The following ANKRD11 variants were observed in gnomAD, a reference collection of about 807,000 sequenced individuals.
ANKRD11 encodes ankyrin repeat domain 11, also known as ankyrin repeat domain-containing protein 11.
ANKRD11 carries 17 observed loss-of-function variants against 195.7 expected under a neutral mutation model. The ratio of observed to expected loss-of-function variants is 0.09; its 90% CI spans 0.06 to 0.13. The LOEUF (loss-of-function observed/expected upper bound fraction) is 0.13, where lower values mean the gene tolerates loss of function less well. ANKRD11 is among the 10% of genes least tolerant of loss of function. ANKRD11 has a pLI of 1.00. For missense variants in ANKRD11, 3,735 were observed against 3,566.1 expected, an observed-to-expected ratio of 1.05 and a Z score of -1.21; for synonymous variants, 1,953 against 1,528.1, an observed-to-expected ratio of 1.28 and a Z score of -6.49.
intron 2 of ANKRD11, among the ~76,000 whole-genome samples, chr16:89,393,581 A>C (rs958059338): frequency 1.4e-5 from 2 of 148,086 alleles, no homozygotes; most frequent in South Asian, 4.3e-4. Context: ...CCTCAGAGTG[A>C]TTTGCCCGCC....
Position 89,279,776 on chromosome 16 carries a change from G to A in ANKRD11, c.6766C>T (p.Gln2256Ter), listed in dbSNP as rs1168428802. Residue 2256 changes from glutamine to a stop codon, truncating the protein, a stop_gained, in exon 9 of 13, where the codon CAG (glutamine) becomes TAG (stop). Coordinates refer to ENST00000301030, the MANE Select transcript of ANKRD11 (RefSeq NM_013275.6). LOFTEE classifies it high-confidence loss of function. This position sits in a 1 kb window ranked among gnomAD's most constrained non-coding sequence, Gnocchi z 5.6. The part of the protein sequence containing the change: ...PEQRPLGSGD[Q>*]GAEAEGPPAA... The stretch of plus-strand genomic sequence containing the variant: ...GGGGGGCCTTCAGCCTCAGCCCCCT[G>A]GTCTCCGCTCCCCAGTGGGCGCTGT... The A allele has an allele frequency of 6.5e-7, 1 of 1,531,210 alleles. No individual in the cohort carries two copies. Among genetic ancestry groups the A allele is most frequent in the Non-Finnish European group, 8.8e-7 (1 of 1,142,746 alleles). The allele number at this position is 1,531,210 out of a possible 1,614,324, so 94.9% of individuals were successfully genotyped here. A position where few individuals can be genotyped will look rare whatever the true frequency, so the allele number is the denominator to read the frequency against.
chr16:89,396,233 A>G (rs1406877445), intron 2 of ANKRD11, among the ~76,000 whole-genome samples: 1 of 152,240 alleles, frequency 6.6e-6, no homozygotes, highest in Non-Finnish European at 1.5e-5. Flanking sequence ...TTTCTGATGT[A>G]GTAAAATCAA....
At chr16:89,380,614 T>C (rs1473329382) in intron 2 of ANKRD11, among the ~76,000 whole-genome samples, 1 of 151,992 alleles carries the variant, frequency 6.6e-6, no homozygotes, top group African/African-American at 2.4e-5. Context: ...GCCAAACAGG[T>C]CTTTGTTAAA....
chr16:89,441,721 C>G (rs1031228926), intron 1 of ANKRD11, among the ~76,000 whole-genome samples: 1 of 134,252 alleles, frequency 7.4e-6, no homozygotes, highest in East Asian at 2.3e-4. Flanking sequence ...GAGCCAAGAT[C>G]GTGCCACTGC....
chr16:89,356,646 T>C, intron 2 of ANKRD11, among the ~76,000 whole-genome samples: 1 of 143,226 alleles, frequency 7.0e-6, no homozygotes, highest in Non-Finnish European at 1.5e-5. Flanking sequence ...CCAGGCGTGG[T>C]GGTGGGTGCC....
intron 2 of ANKRD11, among the ~76,000 whole-genome samples, chr16:89,335,955 C>A (rs117908967): frequency 6.6e-6 from 1 of 152,362 alleles, no homozygotes; most frequent in Non-Finnish European, 1.5e-5. Context: ...CATGACCGTG[C>A]AACATGCTTC....
intron 2 of ANKRD11, among the ~76,000 whole-genome samples, chr16:89,365,417 C>T (rs1263724419): frequency 6.6e-6 from 1 of 152,206 alleles, no homozygotes; most frequent in East Asian, 1.9e-4. Flanking sequence ...AGAGTGAGAG[C>T]CACTGAGCCC....
At chr16:89,390,938 A>C (rs2041163807) in intron 2 of ANKRD11, among the ~76,000 whole-genome samples, 1 of 152,200 alleles carries the variant, frequency 6.6e-6, no homozygotes, top group Non-Finnish European at 1.5e-5. Flanking sequence ...TCATAAAATT[A>C]TTGCACCAGG....
intron 1 of ANKRD11, among the ~76,000 whole-genome samples, chr16:89,477,359 C>A (rs1225573735): frequency 6.6e-6 from 1 of 151,124 alleles, no homozygotes; most frequent in Non-Finnish European, 1.5e-5. Flanking sequence ...CGCGTAATTT[C>A]TTTTTTTTCT....
chr16:89,341,378 C>A (rs2038650369), intron 2 of ANKRD11, among the ~76,000 whole-genome samples: 2 of 152,194 alleles, frequency 1.3e-5, no homozygotes, highest in Non-Finnish European at 2.9e-5. Context: ...GGGCAATCTG[C>A]AGATTCTCAC....
intron 9 of ANKRD11, chr16:89,278,112 A>C (rs1270879496): frequency 1.3e-5 from 3 of 239,950 alleles, no homozygotes; most frequent in South Asian, 4.9e-5. Flanking sequence ...GCACAGTGTG[A>C]GTGGAGTCGC....
At position 89,314,634 on chromosome 16, in the gene ANKRD11, G is replaced by A. The variant is rs115703605; in HGVS notation, c.87+2299C>T. 1.7e-3 allele frequency among the ~76,000 whole-genome samples: 252 copies of A among 152,198 alleles called. 1 individual carries two copies. The highest frequency in any genetic ancestry group is 9.1e-3 in the East Asian group (47 of 5,170). On this transcript the variant is annotated intron_variant, in intron 3 of 12. Transcript: ENST00000301030. ...CGCCCAGCCTGCTGGTGTGTCAAGC[G>A]GCTCAGAGAACCACCTCCTCAATAA... is the stretch of plus-strand genomic sequence containing the variant.
intron 2 of ANKRD11, among the ~76,000 whole-genome samples, chr16:89,399,542 G>T (rs1422080492): frequency 6.6e-6 from 1 of 152,166 alleles, no homozygotes; most frequent in Non-Finnish European, 1.5e-5. Flanking sequence ...GAACACGGGG[G>T]ACCTGGGGCA....
intron 3 of ANKRD11, among the ~76,000 whole-genome samples, chr16:89,314,529 G>C (rs1402382549): frequency 6.6e-6 from 1 of 152,128 alleles, no homozygotes; most frequent in Admixed American, 6.5e-5. Context: ...TGCTCTCTGT[G>C]GCTCTTCCGG....
intron 2 of ANKRD11, among the ~76,000 whole-genome samples, chr16:89,390,211 C>T (rs1330196800): frequency 6.9e-5 from 8 of 115,342 alleles, no homozygotes; most frequent in African/African-American, 2.4e-4. Context: ...GGGCGAACAC[C>T]GAGTGTGGCG....
At position 89,279,300 on chromosome 16, in the gene ANKRD11, C is replaced by T; in HGVS notation, c.7242G>A (p.Thr2414=). 1.2e-6 allele frequency: 2 copies of T among 1,611,734 alleles called. No homozygotes were observed. Among genetic ancestry groups the T allele is most frequent in the Non-Finnish European group, 1.7e-6 (2 of 1,179,668 alleles). Residue 2414 remains threonine (T), a synonymous_variant, in exon 9 of 13, where the codon ACG becomes ACA. Coordinates refer to ENST00000301030, the MANE Select transcript of ANKRD11 (RefSeq NM_013275.6). This position sits in a 1 kb window ranked among gnomAD's most constrained non-coding sequence, Gnocchi z 5.6. The part of the protein sequence containing the change: ...TQQTREVIQQ[T]LAAIVDAIKL... ...TGATGGCGTCCACGATGGCGGCCAG[C>T]GTCTGCTGGATCACCTCCCGCGTCT... is the stretch of plus-strand genomic sequence containing the variant.
At chr16:89,405,082 C>T (rs1485220784) in intron 2 of ANKRD11, among the ~76,000 whole-genome samples, 1 of 152,144 alleles carries the variant, frequency 6.6e-6, no homozygotes, top group Non-Finnish European at 1.5e-5. Context: ...CACGCTCTCA[C>T]AGGACAACTG....
chr16:89,384,421 T>C (rs889239065), intron 2 of ANKRD11, among the ~76,000 whole-genome samples: 6 of 151,630 alleles, frequency 4.0e-5, no homozygotes, highest in Non-Finnish European at 5.9e-5. Flanking sequence ...ATCCCAGCTA[T>C]GTGGGGGGCT....
At chr16:89,368,599 C>T (rs557638644) in intron 2 of ANKRD11, among the ~76,000 whole-genome samples, 6 of 147,720 alleles carry the variant, frequency 4.1e-5, no homozygotes, top group South Asian at 2.1e-4. Flanking sequence ...AATAAAAACA[C>T]GCAGCTCTTA....
Sources: gnomAD v4.1 joint callset for allele counts (sites outside exome capture counted in the v4.1 genomes callset) on GRCh38, gnomAD v4.1.1 for gene constraint, Gnocchi (gnomAD v3.1) non-coding constraint, MANE v1.5 for transcripts, NCBI Gene and HGNC (gene_info 2026-07-23, HGNC 2026-07-21) for gene names.